CCSER1: variants seen among roughly 807,000 people sequenced by gnomAD.
CCSER1 encodes coiled-coil serine rich protein 1.
Under a neutral mutation model 82.0 loss-of-function variants are expected in CCSER1, and 41 were observed. That is an observed-to-expected ratio of 0.50 (90% CI 0.39 to 0.65). The LOEUF (loss-of-function observed/expected upper bound fraction) is 0.65, where lower values mean the gene tolerates loss of function less well. CCSER1 is among the 30% of genes least tolerant of loss of function. The pLI is 0.00. For missense variants in CCSER1, 1,119 were observed against 1,064.2 expected (o/e 1.05, Z -0.72); for synonymous variants, 414 against 383.9 (o/e 1.08, Z -0.92).
intron 4 of CCSER1, among the ~76,000 whole-genome samples, chr4:90,457,052 C>T (rs144816055): frequency 9.1e-4 from 139 of 152,266 alleles, no homozygotes; most frequent in East Asian, 4.1e-3. Flanking sequence ...TGTAAGCGAG[C>T]GATCCCAGGG....
intron 10 of CCSER1, among the ~76,000 whole-genome samples, chr4:91,347,860 A>AT (rs1167770072): frequency 8.5e-6 from 1 of 117,650 alleles, no homozygotes; most frequent in Non-Finnish European, 1.7e-5. Flanking sequence ...TAGTGCCAGT[A>AT]GTTTTTTTTT....
chr4:90,361,717 G>A (rs1390917313), intron 3 of CCSER1, among the ~76,000 whole-genome samples: 2 of 152,126 alleles, frequency 1.3e-5, no homozygotes, highest in African/African-American at 4.8e-5. Flanking sequence ...TGTACCCAAT[G>A]TTTTGCTGCC....
chr4:90,651,926 G>A (rs1728825023), intron 6 of CCSER1, among the ~76,000 whole-genome samples: 1 of 152,054 alleles, frequency 6.6e-6, no homozygotes. Flanking sequence ...TTAAACTTGG[G>A]GGATGAGAAA....
chr4:91,604,948 C>T lies in CCSER1; in HGVS notation c.*5891C>T, dbSNP rs1415872471. On this transcript the variant is annotated 3_prime_UTR_variant, in exon 11 of 11. Transcript: ENST00000509176. Reference sequence around the variant, plus strand: ...AAGAGAATTGATTATCTTAGTTAGACCCCATTTTTAAGGAAAAAATACACC... The same window carrying T: ...AAGAGAATTGATTATCTTAGTTAGATCCCATTTTTAAGGAAAAAATACACC... 2 of 151,782 alleles carry T rather than the reference C, an allele frequency of 1.3e-5. No individual in the cohort carries two copies. The highest frequency in any genetic ancestry group is 4.8e-5 in the African/African-American group (2 of 41,382). 9.4% of individuals were successfully genotyped at this position (151,782 alleles called of 1,614,324 possible). A position where few individuals can be genotyped will look rare whatever the true frequency, so the allele number is the denominator to read the frequency against.
At chr4:90,445,636 A>G (rs1354184684) in intron 4 of CCSER1, among the ~76,000 whole-genome samples, 1 of 152,144 alleles carries the variant, frequency 6.6e-6, no homozygotes, top group African/African-American at 2.4e-5. Context: ...GTAAAGTATG[A>G]AAAATTAATG....
chr4:91,402,734 G>T (rs1752423054), intron 10 of CCSER1, among the ~76,000 whole-genome samples: 1 of 151,966 alleles, frequency 6.6e-6, no homozygotes, highest in African/African-American at 2.4e-5. Context: ...TGAGGACTCT[G>T]TTCTGTTCTA....
At chr4:90,698,117 T>G (rs1371808181) in intron 6 of CCSER1, among the ~76,000 whole-genome samples, 1 of 152,154 alleles carries the variant, frequency 6.6e-6, no homozygotes, top group Admixed American at 6.5e-5. Context: ...GAATGAAAGC[T>G]AGAAAGCTTT....
At chr4:90,371,468 A>G (rs1384450991) in intron 3 of CCSER1, among the ~76,000 whole-genome samples, 1 of 152,154 alleles carries the variant, frequency 6.6e-6, no homozygotes, top group African/African-American at 2.4e-5. Flanking sequence ...TAACATCATT[A>G]TTCAAAATAT....
chr4:90,865,293 T>G (rs988150377), intron 8 of CCSER1, among the ~76,000 whole-genome samples: 1 of 152,012 alleles, frequency 6.6e-6, no homozygotes, highest in African/African-American at 2.4e-5. Flanking sequence ...GGATCAAGAA[T>G]GAGGAAGATA....
At chr4:91,531,861 A>C (rs1761047016) in intron 10 of CCSER1, among the ~76,000 whole-genome samples, 1 of 152,116 alleles carries the variant, frequency 6.6e-6, no homozygotes, top group Non-Finnish European at 1.5e-5. Flanking sequence ...ACCTCTTATT[A>C]CTATTGCATT....
chr4:91,353,181 T>C (rs1748590601), intron 10 of CCSER1, among the ~76,000 whole-genome samples: 1 of 152,202 alleles, frequency 6.6e-6, no homozygotes, highest in Admixed American at 6.5e-5. Flanking sequence ...AGGGCTTTAT[T>C]CAGCCAGGAG....
At chr4:90,432,368 T>A (rs933593436) in intron 4 of CCSER1, among the ~76,000 whole-genome samples, 1 of 152,198 alleles carries the variant, frequency 6.6e-6, no homozygotes, top group Non-Finnish European at 1.5e-5. Flanking sequence ...CAGGCTCTTA[T>A]GTCAGCCACA....
chr4:91,568,224 T>G (rs139211530), intron 10 of CCSER1, among the ~76,000 whole-genome samples: 2 of 152,250 alleles, frequency 1.3e-5, no homozygotes, highest in African/African-American at 4.8e-5. Context: ...GCTGTTAGCC[T>G]GCTGGAATTT....
Position 91,010,789 on chromosome 4 carries a change from T to C in CCSER1, c.2173-75161T>C, listed in dbSNP as rs2199391. Among the ~76,000 whole-genome samples, 1,183 of 134,846 alleles carry C rather than the reference T, an allele frequency of 8.8e-3. 89 individuals are homozygous for C. The highest frequency in any genetic ancestry group is 0.028 in the African/African-American group (1,142 of 40,480). The allele number at this position is 134,846 out of a possible 152,430, so 88.5% of individuals were successfully genotyped here. A position where few individuals can be genotyped will look rare whatever the true frequency, so the allele number is the denominator to read the frequency against. ...TTCTTTTTTATATCCATCTCTTTGCTAAATTTATCATTCAGATAATGAATT... is the reference window on the plus strand; with the variant it reads ...TTCTTTTTTATATCCATCTCTTTGCCAAATTTATCATTCAGATAATGAATT... On this transcript the variant is annotated intron_variant, in intron 9 of 10. Transcript: ENST00000509176.
chr4:90,915,024 T>G (rs1273939067), intron 8 of CCSER1, among the ~76,000 whole-genome samples: 2 of 152,114 alleles, frequency 1.3e-5, no homozygotes, highest in Admixed American at 1.3e-4. Flanking sequence ...CAATAATTAA[T>G]AGCATACTAA....
chr4:90,960,404 TG>T (rs1435756225), intron 9 of CCSER1, among the ~76,000 whole-genome samples: 1 of 152,186 alleles, frequency 6.6e-6, no homozygotes, highest in Non-Finnish European at 1.5e-5. Context: ...ACCTATGTTC[TG>T]GTATCTTGTC....
chr4:90,482,749 C>A (rs191816958), intron 5 of CCSER1, among the ~76,000 whole-genome samples: 2,410 of 152,078 alleles, frequency 0.016, 37 homozygotes, highest in African/African-American at 0.047. Context: ...GTTTGTTATA[C>A]TTTCTGTTCT....
At chr4:91,462,440 A>G (rs907650656) in intron 10 of CCSER1, among the ~76,000 whole-genome samples, 2 of 152,122 alleles carry the variant, frequency 1.3e-5, no homozygotes, top group African/African-American at 4.8e-5. Flanking sequence ...AGCCACGCAG[A>G]AGATGGGTGA....
Position 90,213,937 on chromosome 4 carries a change from A to G in CCSER1, c.-42+86106A>G, listed in dbSNP as rs149135330. ...AGAGATGCTTTTGAATGATTTAGCC[A>G]TAAAAGAGAGAATAGAATAAGTCAA... is the stretch of plus-strand genomic sequence containing the variant. On this transcript the variant is annotated intron_variant, in intron 1 of 10. Transcript: ENST00000509176. Among the ~76,000 whole-genome samples, 1,387 of 152,334 alleles carry G rather than the reference A, an allele frequency of 9.1e-3. 18 individuals are homozygous for G. Among genetic ancestry groups the G allele is most frequent in the South Asian group, 0.049 (236 of 4,826 alleles).
Sources: allele counts gnomAD v4.1 joint callset (sites outside exome capture counted in the v4.1 genomes callset), GRCh38; gene constraint gnomAD v4.1.1; transcripts MANE v1.5; gene names NCBI Gene and HGNC (gene_info 2026-07-23, HGNC 2026-07-21).